The following PCDHGA6 variants were observed in gnomAD, a reference collection of about 807,000 sequenced individuals.
PCDHGA6 encodes the protein protocadherin gamma-A6.
Under a neutral mutation model 60.6 loss-of-function variants are expected in PCDHGA6, and 41 were observed. That is an observed-to-expected ratio of 0.68 (90% CI 0.53 to 0.88). The LOEUF (loss-of-function observed/expected upper bound fraction) is 0.88. Among genes scored for constraint, PCDHGA6 ranks in the 40% least tolerant of loss-of-function variants. The probability of loss-of-function intolerance (pLI) is 0.00; values close to 1 mark genes in which losing one functional copy is unlikely to be tolerated. For missense variants in PCDHGA6, 1,312 were observed against 1,203.0 expected, an observed-to-expected ratio of 1.09 and a Z score of -1.34; for synonymous variants, 594 against 524.4, an observed-to-expected ratio of 1.13 and a Z score of -1.81.
rs779871354 is a variant in PCDHGA6 at position 141,428,131 on chromosome 5, G to A, written c.2424+51624G>A. 8.7e-6 allele frequency: 14 copies of A among 1,602,720 alleles called. No homozygotes were observed. The South Asian group carries it at 1.5e-4, about 18-fold the overall frequency. On this transcript the variant is annotated intron_variant, in intron 1 of 3. Transcript: ENST00000517434. ...CAGGCCATCGAGCCCGGGCTTTTCA[G>A]CCTGGGGCTGCACACGGGAACCTGC...
chr5:141,484,883 G>GCC (rs1231530221), intron 1 of PCDHGA6: 2 of 352,506 alleles, frequency 5.7e-6, no homozygotes, highest in Admixed American at 9.0e-5. Flanking sequence ...GATAGGGTGG[G>GCC]CTTTTTCCCC....
Position 141,511,165 on chromosome 5 carries a change from A to G in PCDHGA6, c.2791A>G (p.Lys931Glu). 1 of 1,614,096 alleles carries G rather than the reference A, an allele frequency of 6.2e-7. No homozygotes were observed. Among genetic ancestry groups the G allele is most frequent in the East Asian group, 2.2e-5 (1 of 44,870 alleles). ...CAAGAAGAAGTCGGGCAAGAAGGAGAAGAAGTAACATGGAGGCCAGGCCAA... is the reference window on the plus strand; with the variant it reads ...CAAGAAGAAGTCGGGCAAGAAGGAGGAGAAGTAACATGGAGGCCAGGCCAA... ...GNKKKSGKKE[K>E]K Residue 931 changes from lysine (K) to glutamate (E), a missense_variant, in exon 4 of 4, where the codon AAG (lysine) becomes GAG (glutamate). Physicochemically the swap from Lys to Glu is moderately conservative, Grantham distance 56. Transcript: ENST00000517434.
intron 1 of PCDHGA6, among the ~76,000 whole-genome samples, chr5:141,450,726 A>G (rs1302961852): frequency 2.0e-5 from 3 of 151,932 alleles, no homozygotes; most frequent in Admixed American, 2.0e-4. Flanking sequence ...ACCTCAGGTG[A>G]TCCGCCCGCC....
At chr5:141,430,396 A>G (rs1433813025) in intron 1 of PCDHGA6, among the ~76,000 whole-genome samples, 5 of 151,842 alleles carry the variant, frequency 3.3e-5, no homozygotes, top group Non-Finnish European at 7.4e-5. Context: ...AAAAAAAAAA[A>G]GCTCACTAAA....
chr5:141,504,937 G>A (rs1350441435), intron 2 of PCDHGA6, among the ~76,000 whole-genome samples: 2 of 152,054 alleles, frequency 1.3e-5, no homozygotes, highest in East Asian at 1.9e-4. Context: ...GGTGGGTGGG[G>A]GAATGCACTA....
At position 141,431,203 on chromosome 5, in the gene PCDHGA6, T is replaced by C. The variant is rs139061906; in HGVS notation, c.2424+54696T>C. On this transcript the variant is annotated intron_variant, in intron 1 of 3. Coordinates refer to ENST00000517434, the MANE Select transcript of PCDHGA6 (RefSeq NM_018919.3). This position sits in a 1 kb window ranked among gnomAD's most constrained non-coding sequence, Gnocchi z 4.8. ...TAAAAATTAGTGAAAATGCAGCCACTGAGATGCGGTTCCCTCTACCCCACG... is the reference window on the plus strand; with the variant it reads ...TAAAAATTAGTGAAAATGCAGCCACCGAGATGCGGTTCCCTCTACCCCACG... The C allele has an allele frequency of 3.1e-6, 5 of 1,614,116 alleles. No individual in the cohort carries two copies. The highest frequency in any genetic ancestry group is 1.1e-5 in the South Asian group (1 of 91,090).
At chr5:141,498,971 G>GGGAGGGAAGGAAGGAAGGAA (rs2099787588) in intron 2 of PCDHGA6, among the ~76,000 whole-genome samples, 11 of 111,048 alleles carry the variant, frequency 9.9e-5, no homozygotes, top group African/African-American at 3.2e-4. Context: ...GAGGGAGGGA[G>GGGAGGGAAGGAAGGAAGGAA]GGAAGGAAGG....
At chr5:141,393,367 G>A (rs1302436646) in intron 1 of PCDHGA6, 2 of 1,613,962 alleles carry the variant, frequency 1.2e-6, no homozygotes, top group East Asian at 2.2e-5. Flanking sequence ...GTGCAGACTG[G>A]AGACAATGGA....
rs376415955 is a variant in PCDHGA6, at chr5:141,432,082, C to T, written c.2424+55575C>T. ...CCACGGAAACTCATATCTCGCTGAACGTGGCAGACACCAACGACAACCCGC... is the reference window on the plus strand; with the variant it reads ...CCACGGAAACTCATATCTCGCTGAATGTGGCAGACACCAACGACAACCCGC... On this transcript the variant is annotated intron_variant, in intron 1 of 3. Transcript: ENST00000517434. This position sits in a 1 kb window ranked among gnomAD's most constrained non-coding sequence, Gnocchi z 6.0. The T allele has an allele frequency of 3.1e-6, 5 of 1,614,184 alleles. No homozygotes were observed. Among genetic ancestry groups the T allele is most frequent in the Non-Finnish European group, 4.2e-6 (5 of 1,180,028 alleles).
intron 1 of PCDHGA6, chr5:141,423,652 A>G (rs746768292): frequency 1.9e-6 from 3 of 1,583,268 alleles, no homozygotes; most frequent in Non-Finnish European, 2.6e-6. Flanking sequence ...TGACCCGACA[A>G]GTAATCAGGT....
chr5:141,404,200 A>C, intron 1 of PCDHGA6: 1 of 1,613,696 alleles, frequency 6.2e-7, no homozygotes, highest in Non-Finnish European at 8.5e-7. Context: ...AAAAAGCCTC[A>C]GAATATAATA....
intron 1 of PCDHGA6, chr5:141,419,646 C>T (rs1433992932): frequency 6.2e-7 from 1 of 1,612,470 alleles, no homozygotes; most frequent in Admixed American, 1.7e-5. Flanking sequence ...GCCGTGGACG[C>T]GGACTCGGGG....
At chr5:141,507,896 G>A (rs1457319438) in intron 3 of PCDHGA6, among the ~76,000 whole-genome samples, 1 of 152,210 alleles carries the variant, frequency 6.6e-6, no homozygotes, top group African/African-American at 2.4e-5. Flanking sequence ...GGTTCCTGAA[G>A]TCCAGCCCAG....
chr5:141,423,138 C>A (rs767107885), intron 1 of PCDHGA6: 3 of 1,613,606 alleles, frequency 1.9e-6, no homozygotes, highest in Non-Finnish European at 2.5e-6. Context: ...TGGACAGAGA[C>A]GCGCTCAAGC....
chr5:141,389,443 A>G (rs2091769935), intron 1 of PCDHGA6: 1 of 1,610,442 alleles, frequency 6.2e-7, no homozygotes, highest in Non-Finnish European at 8.5e-7. Context: ...GCCTTCGACC[A>G]CGAGCAGCTG....
intron 1 of PCDHGA6, chr5:141,383,078 C>G (rs749152940): frequency 2.5e-6 from 4 of 1,613,840 alleles, no homozygotes; most frequent in South Asian, 2.2e-5. Flanking sequence ...CGGGAGCTGG[C>G]GGAGCGCGGA....
chr5:141,398,675 A>G (rs1462726875), intron 1 of PCDHGA6: 10 of 1,613,974 alleles, frequency 6.2e-6, no homozygotes, highest in East Asian at 2.2e-5. Context: ...TTAATAATTA[A>G]GGAGAAACAG....
At chr5:141,398,580 A>G in intron 1 of PCDHGA6, 1 of 1,614,044 alleles carries the variant, frequency 6.2e-7, no homozygotes, top group Non-Finnish European at 8.5e-7. Context: ...CTGGCACAAG[A>G]TTTATACTAG....
Position 141,491,215 on chromosome 5 carries a change from A to G in PCDHGA6, c.2425-3592A>G, listed in dbSNP as rs546893944. 2.5e-6 allele frequency: 4 copies of G among 1,614,196 alleles called. No individual in the cohort carries two copies. Among genetic ancestry groups the G allele is most frequent in the Non-Finnish European group, 3.4e-6 (4 of 1,180,036 alleles). On this transcript the variant is annotated intron_variant, in intron 1 of 3. Coordinates refer to ENST00000517434, the MANE Select transcript of PCDHGA6 (RefSeq NM_018919.3). This position sits in a 1 kb window ranked among gnomAD's most constrained non-coding sequence, Gnocchi z 6.9. ...CAATGGTGACCCTTCACTCTCCTCC[A>G]CAGCCACAGTGCTGCTGGTTCTGGA...
Sources: gnomAD v4.1 joint callset for allele counts (sites outside exome capture counted in the v4.1 genomes callset) on GRCh38, gnomAD v4.1.1 for gene constraint, Gnocchi (gnomAD v3.1) non-coding constraint, MANE v1.5 for transcripts, NCBI Gene and HGNC (gene_info 2026-07-23, HGNC 2026-07-21) for gene names.